Variants in DMD observed in about 807,000 individuals in gnomAD.
The protein encoded by DMD is dystrophin, also known as mutant dystrophin.
Under a neutral mutation model 330.1 loss-of-function variants are expected in DMD, and 63 were observed. The ratio of observed to expected loss-of-function variants is 0.19; its 90% confidence interval spans 0.16 to 0.24. DMD has a LOEUF of 0.24. Among genes scored for constraint, DMD ranks in the 10% least tolerant of loss-of-function variants. The pLI is 1.00. For missense variants in DMD, 3,344 were observed against 2,684.1 expected (o/e 1.25, Z -5.43); for synonymous variants, 1,223 against 959.8 (o/e 1.27, Z -5.07).
intron 63 of DMD, among the ~76,000 whole-genome samples, chrX:31,229,037 T>C (rs1483505105): frequency 8.9e-6 from 1 of 112,191 alleles, no homozygotes; most frequent in African/African-American, 3.2e-5. Context: ...TAGGCTTCTC[T>C]TGCCCCTTTG....
intron 1 of DMD, among the ~76,000 whole-genome samples, chrX:33,038,380 G>A (rs1322285861): frequency 8.9e-6 from 1 of 111,849 alleles, no homozygotes; most frequent in African/African-American, 3.2e-5. Context: ...TAATATGAAT[G>A]GAAGTGATTA....
At chrX:32,439,496 A>C (rs1334153494) in intron 28 of DMD, among the ~76,000 whole-genome samples, 2 of 111,821 alleles carry the variant, frequency 1.8e-5, no homozygotes. Flanking sequence ...TATTTGCAAA[A>C]TGGATATAAA....
chrX:31,722,669 A>G (rs1475054479), intron 52 of DMD, among the ~76,000 whole-genome samples: 1 of 111,333 alleles, frequency 9.0e-6, no homozygotes, highest in African/African-American at 3.3e-5. Flanking sequence ...TCATGGTATC[A>G]TTAAGAACCA....
chrX:32,360,991 T>C (rs993815006), intron 37 of DMD, among the ~76,000 whole-genome samples: 1 of 110,704 alleles, frequency 9.0e-6, no homozygotes, highest in African/African-American at 3.3e-5. Flanking sequence ...CAAACTTGTA[T>C]TGGCTGGGTC....
chrX:31,755,100 C>T (rs974381046), intron 51 of DMD, among the ~76,000 whole-genome samples: 10 of 108,208 alleles, frequency 9.2e-5, no homozygotes, highest in African/African-American at 3.4e-4. Context: ...ATCAGAAAGG[C>T]CAGTCTCCTG....
At chrX:31,901,658 ATTCCT>A (rs2094424275) in intron 47 of DMD, among the ~76,000 whole-genome samples, 1 of 111,632 alleles carries the variant, frequency 9.0e-6, no homozygotes, top group African/African-American at 3.3e-5. Context: ...CATTCTGTCT[ATTCCT>A]TTATTATTTT....
intron 37 of DMD, among the ~76,000 whole-genome samples, chrX:32,355,219 A>T (rs2097795016): frequency 9.0e-6 from 1 of 111,103 alleles, no homozygotes; most frequent in African/African-American, 3.3e-5. Context: ...AGACCAACAA[A>T]AACTACTTTA....
chrX:31,588,357 C>T (rs903411041), intron 55 of DMD, among the ~76,000 whole-genome samples: 2 of 111,296 alleles, frequency 1.8e-5, no homozygotes, highest in Non-Finnish European at 3.8e-5. Context: ...CCTTCTTCAT[C>T]TAACTGTTGT....
intron 12 of DMD, among the ~76,000 whole-genome samples, chrX:32,598,731 G>A (rs192108287): frequency 8.2e-4 from 92 of 111,669 alleles, no homozygotes; most frequent in African/African-American, 2.9e-3. Flanking sequence ...ATTTTGTTTC[G>A]TTCATCTATT....
intron 60 of DMD, among the ~76,000 whole-genome samples, chrX:31,402,424 A>T (rs922268323): frequency 9.8e-5 from 11 of 111,915 alleles, no homozygotes; most frequent in Non-Finnish European, 2.1e-4. Context: ...TGGTGGCAAG[A>T]TCCCTTATAG....
At chrX:31,152,906 G>T (rs867368034) in intron 74 of DMD, among the ~76,000 whole-genome samples, 1 of 111,078 alleles carries the variant, frequency 9.0e-6, no homozygotes, top group African/African-American at 3.3e-5. Context: ...ATTTTGGATC[G>T]TGATTTGGAG....
At chrX:31,816,826 A>ACACACACACACACAC (rs1371034070) in intron 50 of DMD, among the ~76,000 whole-genome samples, 1 of 111,073 alleles carries the variant, frequency 9.0e-6, no homozygotes, top group African/African-American at 3.3e-5. Flanking sequence ...ACACACAAAG[A>ACACACACACACACAC]AAAAAGAAAG....
At chrX:32,654,611 C>CTT (rs144796914) in intron 9 of DMD, among the ~76,000 whole-genome samples, 26 of 109,867 alleles carry the variant, frequency 2.4e-4, no homozygotes, top group African/African-American at 7.7e-4. Context: ...CTAAAATTCT[C>CTT]TTTTTTTTGT....
intron 60 of DMD, among the ~76,000 whole-genome samples, chrX:31,417,925 G>A (rs982732309): frequency 1.8e-5 from 2 of 109,145 alleles, no homozygotes; most frequent in African/African-American, 6.7e-5. Flanking sequence ...CTGACCTCAG[G>A]TGATCCACCC....
intron 4 of DMD, among the ~76,000 whole-genome samples, chrX:32,830,825 T>C (rs2079093596): frequency 9.0e-6 from 1 of 111,153 alleles, no homozygotes; most frequent in South Asian, 3.7e-4. Flanking sequence ...ATGGTTTGCT[T>C]TGACATAATG....
At chrX:32,690,328 T>A (rs1001685469) in intron 9 of DMD, among the ~76,000 whole-genome samples, 1 of 111,145 alleles carries the variant, frequency 9.0e-6, no homozygotes, top group Non-Finnish European at 1.9e-5. Context: ...CTGAAAACTA[T>A]AAAACATTGA....
At chrX:32,522,355 C>A (rs1230850514) in intron 17 of DMD, among the ~76,000 whole-genome samples, 4 of 111,576 alleles carry the variant, frequency 3.6e-5, no homozygotes, top group Non-Finnish European at 7.5e-5. Flanking sequence ...ATTATCATTT[C>A]TATCTTTTTT....
At chrX:32,678,707 G>A (rs2062145212) in intron 9 of DMD, among the ~76,000 whole-genome samples, 2 of 111,085 alleles carry the variant, frequency 1.8e-5, no homozygotes, top group Admixed American at 9.6e-5. Context: ...ATCTTTCCCT[G>A]CCCCATGACC....
chrX:31,314,495 G>A (rs751859932), intron 62 of DMD, among the ~76,000 whole-genome samples: 26 of 111,561 alleles, frequency 2.3e-4, no homozygotes, highest in Non-Finnish European at 3.0e-4. Flanking sequence ...AGAGTTTCAG[G>A]AAGAGCAGCG....
Sources: gnomAD v4.1 joint callset for allele counts (sites outside exome capture counted in the v4.1 genomes callset) on GRCh38, gnomAD v4.1.1 for gene constraint, MANE v1.5 for transcripts, NCBI Gene and HGNC (gene_info 2026-07-23, HGNC 2026-07-21) for gene names.